MSTN: variants seen among roughly 807,000 people sequenced by gnomAD.
MSTN encodes the protein growth/differentiation factor 8.
Under a neutral mutation model 32.3 loss-of-function variants are expected in MSTN, and 12 were observed. The ratio of observed to expected loss-of-function variants is 0.37; its 90% CI spans 0.24 to 0.60. The LOEUF (loss-of-function observed/expected upper bound fraction) is 0.60. Ranked by LOEUF, MSTN falls within the 20% of genes least tolerant of loss-of-function variation. The pLI, the probability that MSTN is intolerant of heterozygous loss-of-function variation, is 0.67. For missense variants in MSTN, 403 were observed against 450.3 expected (o/e 0.89, Z 0.95); for synonymous variants, 168 against 155.1 (o/e 1.08, Z -0.62).
At chr2:190,060,695 G>A (rs1182975615) in intron 1 of MSTN, among the ~76,000 whole-genome samples, 1 of 151,954 alleles carries the variant, frequency 6.6e-6, no homozygotes, top group East Asian at 1.9e-4. Context: ...TATGGACAAA[G>A]GAAGGTTCTA....
Position 190,056,444 on chromosome 2 carries a change from GT to G in MSTN, c.*813del, listed in dbSNP as rs1685432636. On this transcript the variant is annotated 3_prime_UTR_variant, in exon 3 of 3. Transcript: ENST00000260950. ...CAAAATTACATACTTCTCCAAGTAT[GT>G]TATTTTGACATTTTGATAAAAACAA... 3 of 152,438 alleles carry G rather than the reference GT, an allele frequency of 2.0e-5. No individual in the cohort carries two copies. The South Asian group carries it at 6.3e-4, about 32-fold the overall frequency. 9.4% of individuals were successfully genotyped at this position (152,438 alleles called of 1,614,324 possible).
In MSTN at chr2:190,060,381, C is replaced by A; in HGVS notation, c.428G>T (p.Ser143Ile). 1 of 1,611,022 alleles carries A rather than the reference C, an allele frequency of 6.2e-7. No individual in the cohort carries two copies. Residue 143 changes from serine to isoleucine, a missense_variant, in exon 2 of 3, where the codon AGC becomes ATC. Ser to Ile is a moderately radical substitution (Grantham distance 142). Coordinates refer to ENST00000260950, the MANE Select transcript of MSTN (RefSeq NM_005259.3). Reference protein sequence around the residue: ...GKPKCCFFKFSSKIQYNKVVK... With the variant: ...GKPKCCFFKFISKIQYNKVVK... ...TACTTTATTGTATTGTATTTTAGAG[C>A]TAAATTTAAAGAAGCAACATTTGGG...
intron 1 of MSTN, 54 bp from the exon 2 acceptor site, chr2:190,060,489 C>T (rs920187101): frequency 1.3e-6 from 2 of 1,504,342 alleles, no homozygotes; most frequent in Non-Finnish European, 1.8e-6. Flanking sequence ...ATTAACAAAA[C>T]CCCTCCATAT....
At position 190,056,982 on chromosome 2, in the gene MSTN, G is replaced by T; in HGVS notation, c.*276C>A. The stretch of plus-strand genomic sequence containing the variant: ...CAAGGAGAATCGCTTTCATTTCCTC[G>T]CCGATGTTGTAATATATAGGAACAT... On this transcript the variant is annotated 3_prime_UTR_variant, in exon 3 of 3. Transcript: ENST00000260950. 1 of 343,466 alleles carries T rather than the reference G, an allele frequency of 2.9e-6. No individual in the cohort carries two copies. Among genetic ancestry groups the T allele is most frequent in the Non-Finnish European group, 5.3e-6 (1 of 187,202 alleles). The allele number at this position is 343,466 out of a possible 1,614,324, so 21.3% of individuals were successfully genotyped here.
chr2:190,060,487 A>T, intron 1 of MSTN, 52 bp from the exon 2 acceptor site: 1 of 1,517,838 alleles, frequency 6.6e-7, no homozygotes, highest in Non-Finnish European at 9.0e-7. Flanking sequence ...CCATTAACAA[A>T]ACCCCTCCAT....
Position 190,062,539 on chromosome 2 carries a change from G to C in MSTN, c.58C>G (p.Pro20Ala). 6.2e-7 allele frequency: 1 copy of C among 1,613,180 alleles called. No homozygotes were observed. Among genetic ancestry groups the C allele is most frequent in the South Asian group, 1.1e-5 (1 of 91,012 alleles). ...TCACTGTTCTCATTTAGATCCACTG[G>C]ACCAGCAACAATCAGCATAAACAGG... ...IYLFMLIVAG[P>A]VDLNENSEQK... Residue 20 changes from proline (P) to alanine (A), a missense_variant, in exon 1 of 3, where the codon CCA becomes GCA. Physicochemically the swap from Pro to Ala is conservative, Grantham distance 27. Coordinates refer to ENST00000260950, the MANE Select transcript of MSTN (RefSeq NM_005259.3).
Position 190,057,548 on chromosome 2 carries a change from G to C in MSTN, c.838C>G (p.Arg280Gly). ...LDCDEHSTESRCCRYPLTVDF... is the reference protein window; with the variant it reads ...LDCDEHSTESGCCRYPLTVDF... ...ACAGTTAGAGGGTAACGACAGCATC[G>C]TGATTCTGTTGAGTGCTCATCACAG... Residue 280 changes from arginine to glycine, a missense_variant, in exon 3 of 3, where the codon CGA (arginine) becomes GGA (glycine). By Grantham distance (125) the Arg-to-Gly change is moderately radical (BLOSUM62 -2). Coordinates refer to ENST00000260950, the MANE Select transcript of MSTN (RefSeq NM_005259.3). The C allele has an allele frequency of 1.2e-6, 2 of 1,613,446 alleles. No homozygotes were observed. The highest frequency in any genetic ancestry group is 1.7e-6 in the Non-Finnish European group (2 of 1,179,546).
rs756553031 is a variant in MSTN, at chr2:190,060,144, T to C, written c.665A>G (p.Asn222Ser). Reference protein sequence around the residue: ...LQNWLKQPESNLGIEIKALDE... With the variant: ...LQNWLKQPESSLGIEIKALDE... ...TAAAGCTTTTATTTCAATGCCTAAGTTGGATTCAGGTTGTTTGAGCCAATT... is the reference window on the plus strand; with the variant it reads ...TAAAGCTTTTATTTCAATGCCTAAGCTGGATTCAGGTTGTTTGAGCCAATT... Residue 222 changes from asparagine (N) to serine (S), a missense_variant, in exon 2 of 3, where the codon AAC becomes AGC. Asn to Ser is a conservative substitution (Grantham distance 46). Transcript: ENST00000260950. 7 of 1,612,974 alleles carry C rather than the reference T, an allele frequency of 4.3e-6. No individual in the cohort carries two copies. Among genetic ancestry groups the C allele is most frequent in the Admixed American group, 3.3e-5 (2 of 59,930 alleles).
At chr2:190,060,709 A>G (rs1210226135) in intron 1 of MSTN, among the ~76,000 whole-genome samples, 1 of 152,024 alleles carries the variant, frequency 6.6e-6, no homozygotes, top group African/African-American at 2.4e-5. Flanking sequence ...GGTTCTATGA[A>G]GTAATGAACG....
rs200908904 is a variant in MSTN, at chr2:190,060,293, T to A, written c.516A>T (p.Gln172His). Residue 172 changes from glutamine (Q) to histidine (H), a missense_variant, in exon 2 of 3, where the codon CAA becomes CAT. By Grantham distance (24) the Gln-to-His change is conservative. Transcript: ENST00000260950. ...PVETPTTVFV[Q>H]ILRLIKPMKD... is the part of the protein sequence containing the mutation. ...TCATAGGTTTGATGAGTCTCAGGAT[T>A]TGCACAAACACTGTTGTAGGAGTCT... 4.3e-6 allele frequency: 7 copies of A among 1,613,030 alleles called. No individual in the cohort carries two copies. The African/African-American group carries it at 9.4e-5, about 22-fold the overall frequency.
rs1460736369 is a variant in MSTN at position 190,055,864 on chromosome 2, T to C, written c.*1394A>G. On this transcript the variant is annotated 3_prime_UTR_variant, in exon 3 of 3. Coordinates refer to ENST00000260950, the MANE Select transcript of MSTN (RefSeq NM_005259.3). Reference sequence around the variant, plus strand: ...ATGCAGAAATATATTCATTATCAAATTATAAAATAAAAGTAACAGTTATTG... The same window carrying C: ...ATGCAGAAATATATTCATTATCAAACTATAAAATAAAAGTAACAGTTATTG... 6.6e-6 allele frequency: 1 copy of C among 152,188 alleles called. No homozygotes were observed. Among genetic ancestry groups the C allele is most frequent in the African/African-American group, 2.4e-5 (1 of 41,446 alleles). 9.4% of individuals were successfully genotyped at this position (152,188 alleles called of 1,614,324 possible). A position where few individuals can be genotyped will look rare whatever the true frequency, so the allele number is the denominator to read the frequency against.
In MSTN at chr2:190,062,698, T is replaced by G; in HGVS notation, c.-102A>C. On this transcript the variant is annotated 5_prime_UTR_variant, in exon 1 of 3. Transcript: ENST00000260950. ...AAGCAAAATTTTAATGCATGTACAGTCTGAGAGACAACTTGCCACACCAGT... is the reference window on the plus strand; with the variant it reads ...AAGCAAAATTTTAATGCATGTACAGGCTGAGAGACAACTTGCCACACCAGT... The G allele has an allele frequency of 8.9e-7, 1 of 1,123,848 alleles. No individual in the cohort carries two copies. The highest frequency in any genetic ancestry group is 1.3e-6 in the Non-Finnish European group (1 of 788,342). The allele number at this position is 1,123,848 out of a possible 1,614,324, so 69.6% of individuals were successfully genotyped here. A position where few individuals can be genotyped will look rare whatever the true frequency, so the allele number is the denominator to read the frequency against.
At position 190,062,279 on chromosome 2, in the gene MSTN, C is replaced by G. The variant is rs762366961; in HGVS notation, c.318G>C (p.Leu106Phe). The change falls in exon 1 of 3, where the codon TTG (leucine) becomes TTC (phenylalanine). Residue 106 changes from leucine (L) to phenylalanine (F), a missense_variant. Leu to Phe is a conservative substitution (Grantham distance 22). Transcript: ENST00000260950. ...TTGTAGCGTGATAATCGTCATCTTCCAAAGAGCCATCGCTGCTGTCATCCC... is the reference window on the plus strand; with the variant it reads ...TTGTAGCGTGATAATCGTCATCTTCGAAAGAGCCATCGCTGCTGTCATCCC... Reference protein sequence around the residue: ...VQRDDSSDGSLEDDDYHATTE... With the variant: ...VQRDDSSDGSFEDDDYHATTE... 39 of 1,613,058 alleles carry G rather than the reference C, an allele frequency of 2.4e-5. 1 individual carries two copies. The South Asian group carries it at 4.3e-4, about 18-fold the overall frequency.
chr2:190,057,077 G>C lies in MSTN; in HGVS notation c.*181C>G, dbSNP rs1387940939. ...TAAAACTTTCTTGTATGATTTGTTT[G>C]GATGGTTAAATGCCAACCATTGCAT... On this transcript the variant is annotated 3_prime_UTR_variant, in exon 3 of 3. Coordinates refer to ENST00000260950, the MANE Select transcript of MSTN (RefSeq NM_005259.3). The C allele has an allele frequency of 1.6e-6, 1 of 623,100 alleles. No individual in the cohort carries two copies. Among genetic ancestry groups the C allele is most frequent in the Non-Finnish European group, 2.7e-6 (1 of 367,354 alleles). 38.6% of individuals were successfully genotyped at this position (623,100 alleles called of 1,614,324 possible).
Position 190,057,426 on chromosome 2 carries a change from T to C in MSTN, c.960A>G (p.Lys320=). 1.2e-6 allele frequency: 2 copies of C among 1,613,622 alleles called. No homozygotes were observed. The highest frequency in any genetic ancestry group is 8.5e-7 in the Non-Finnish European group (1 of 1,179,606). ...SGECEFVFLQ[K]YPHTHLVHQA... ...GGTGTACCAGATGAGTATGAGGATA[T>C]TTTTGTAAAAATACAAATTCACACT... Residue 320 remains lysine (K), a synonymous_variant, in exon 3 of 3, where the codon AAA becomes AAG. Transcript: ENST00000260950.
At position 190,060,327 on chromosome 2, in the gene MSTN, C is replaced by A. The variant is rs766727311; in HGVS notation, c.482G>T (p.Arg161Ile). ...CACTGTTGTAGGAGTCTCGACGGGT[C>A]TCAAATATATCCATAGTTGGGCCTT... is the stretch of plus-strand genomic sequence containing the variant. ...VVKAQLWIYL[R>I]PVETPTTVFV... Residue 161 changes from arginine (R) to isoleucine (I), a missense_variant, in exon 2 of 3, where the codon AGA becomes ATA. Physicochemically the swap from Arg to Ile is moderately conservative, Grantham distance 97. Coordinates refer to ENST00000260950, the MANE Select transcript of MSTN (RefSeq NM_005259.3). 3.3e-5 allele frequency: 53 copies of A among 1,612,746 alleles called. No individual in the cohort carries two copies. The highest frequency in any genetic ancestry group is 4.2e-5 in the Non-Finnish European group (50 of 1,179,200).
rs1685633528 is a variant in MSTN at position 190,062,699 on chromosome 2, CTG to C, written c.-105_-104del. On this transcript the variant is annotated 5_prime_UTR_variant, in exon 1 of 3. Transcript: ENST00000260950. ...AGCAAAATTTTAATGCATGTACAGT[CTG>C]AGAGACAACTTGCCACACCAGTGAA... The C allele has an allele frequency of 9.0e-7, 1 of 1,113,348 alleles. No individual in the cohort carries two copies. The highest frequency in any genetic ancestry group is 2.6e-5 in the East Asian group (1 of 39,170). 69.0% of individuals were successfully genotyped at this position (1,113,348 alleles called of 1,614,324 possible). A position where few individuals can be genotyped will look rare whatever the true frequency, so the allele number is the denominator to read the frequency against.
intron 2 of MSTN, 89 bp from the exon 3 acceptor site, chr2:190,057,727 A>G: frequency 7.0e-7 from 1 of 1,419,372 alleles, no homozygotes; most frequent in Non-Finnish European, 9.9e-7. Context: ...TGAAGTAATA[A>G]ACTAATAATT....
In MSTN at chr2:190,062,403, C is replaced by A; in HGVS notation, c.194G>T (p.Arg65Leu). 1 of 1,613,366 alleles carries A rather than the reference C, an allele frequency of 6.2e-7. No individual in the cohort carries two copies. Reference protein sequence around the residue: ...AIKIQILSKLRLETAPNISKD... With the variant: ...AIKIQILSKLLLETAPNISKD... The stretch of plus-strand genomic sequence containing the variant: ...GCTGATGTTAGGAGCTGTTTCCAGA[C>A]GAAGTTTACTGAGGATTTGTATCTT... The change falls in exon 1 of 3, where the codon CGT becomes CTT. Residue 65 changes from arginine (R) to leucine (L), a missense_variant. Coordinates refer to ENST00000260950, the MANE Select transcript of MSTN (RefSeq NM_005259.3).
Sources: allele counts gnomAD v4.1 joint callset (sites outside exome capture counted in the v4.1 genomes callset), GRCh38; gene constraint gnomAD v4.1.1; transcripts MANE v1.5; gene names NCBI Gene and HGNC (gene_info 2026-07-23, HGNC 2026-07-21).